DCT: variants seen among roughly 807,000 people sequenced by gnomAD.
DCT encodes dopachrome tautomerase.
In DCT, 47 loss-of-function variants were observed where a neutral mutation model predicts 53.0. The observed-to-expected ratio is 0.89, with a 90% CI of 0.70 to 1.13. The LOEUF (loss-of-function observed/expected upper bound fraction) is 1.13. DCT is among the 50% of genes most tolerant of loss of function. The probability of loss-of-function intolerance (pLI) is 0.00; values close to 1 mark genes in which losing one functional copy is unlikely to be tolerated. For missense variants in DCT, 669 were observed against 637.4 expected, an observed-to-expected ratio of 1.05 and a Z score of -0.53; for synonymous variants, 244 against 237.0, an observed-to-expected ratio of 1.03 and a Z score of -0.27.
chr13:94,439,301 C>T lies in DCT; in HGVS notation c.*597G>A, dbSNP rs1882104214. Reference sequence around the variant, plus strand: ...TTTCCATCCTGTAAAGAAAACAAGGCTTATTCTCATCTTCTAAGCTGGAGA... The same window carrying T: ...TTTCCATCCTGTAAAGAAAACAAGGTTTATTCTCATCTTCTAAGCTGGAGA... On this transcript the variant is annotated 3_prime_UTR_variant, in exon 8 of 8. Transcript: ENST00000377028. The T allele has an allele frequency of 6.6e-6, 1 of 152,156 alleles. No individual in the cohort carries two copies. The highest frequency in any genetic ancestry group is 1.5e-5 in the Non-Finnish European group (1 of 68,082). The allele number at this position is 152,156 out of a possible 1,614,324, so 9.4% of individuals were successfully genotyped here.
intron 7 of DCT, among the ~76,000 whole-genome samples, chr13:94,441,742 A>G (rs1882331138): frequency 6.6e-6 from 1 of 152,176 alleles, no homozygotes; most frequent in South Asian, 2.1e-4. Context: ...TTATTCATTC[A>G]TCCACTAACA....
chr13:94,539,092 T>C, the DCT span, among the ~76,000 whole-genome samples: 4 of 152,216 alleles, frequency 2.6e-5, no homozygotes, highest in Admixed American at 6.5e-5. Flanking sequence ...ACAAAATTCT[T>C]AGTCCCCTGC....
chr13:94,544,934 G>A, the DCT span, among the ~76,000 whole-genome samples: 4 of 151,882 alleles, frequency 2.6e-5, no homozygotes, highest in East Asian at 3.9e-4. Flanking sequence ...ATAGCAGCTC[G>A]GTCTCAAAAA....
chr13:94,444,383 C>T (rs112906983), intron 6 of DCT: 7,256 of 517,402 alleles, frequency 0.014, 452 homozygotes, highest in African/African-American at 0.13. Flanking sequence ...CTTCTGTCTA[C>T]TCATTTCATA....
the DCT span, among the ~76,000 whole-genome samples, chr13:94,516,624 T>A: frequency 2.6e-5 from 4 of 152,178 alleles, no homozygotes; most frequent in Non-Finnish European, 4.4e-5. Flanking sequence ...TCTGCCTTCA[T>A]GAATGGATTA....
intron 7 of DCT, among the ~76,000 whole-genome samples, chr13:94,442,552 T>C (rs770527926): frequency 1.3e-5 from 2 of 152,222 alleles, no homozygotes; most frequent in East Asian, 1.9e-4. Flanking sequence ...TGTGGAGCCA[T>C]ATTGGGGCCT....
intron 6 of DCT, 44 bp downstream of exon 6, chr13:94,460,045 CAT>C (rs1468083287): frequency 7.6e-6 from 12 of 1,578,034 alleles, no homozygotes; most frequent in Non-Finnish European, 1.0e-5. Context: ...ATAAATCTGA[CAT>C]ATTATCTAGA....
At chr13:94,468,339 G>A (rs1391078525) in intron 2 of DCT, 1 of 182,376 alleles carries the variant, frequency 5.5e-6, no homozygotes, top group Non-Finnish European at 1.2e-5. Context: ...GAAGCTTCAT[G>A]TGCCTTAGCA....
At chr13:94,487,858 T>C in the DCT span, among the ~76,000 whole-genome samples, 1 of 152,100 alleles carries the variant, frequency 6.6e-6, no homozygotes, top group Non-Finnish European at 1.5e-5. Context: ...AGAGTTTTGC[T>C]TTCTACATCT....
chr13:94,546,600 A>C, the DCT span, among the ~76,000 whole-genome samples: 4 of 152,110 alleles, frequency 2.6e-5, no homozygotes, highest in Non-Finnish European at 2.9e-5. The surrounding 1 kb of genome is among the most constrained non-coding windows in gnomAD (Gnocchi z 4.2). Context: ...TGAGCACAGC[A>C]GGAGAGCCCC....
the DCT span, among the ~76,000 whole-genome samples, chr13:94,490,157 C>A: frequency 6.6e-6 from 1 of 152,220 alleles, no homozygotes; most frequent in African/African-American, 2.4e-5. Flanking sequence ...AATTTCTTGA[C>A]CTGAATCTGG....
At chr13:94,492,894 A>AC in the DCT span, among the ~76,000 whole-genome samples, 13 of 152,188 alleles carry the variant, frequency 8.5e-5, no homozygotes, top group African/African-American at 2.2e-4. Context: ...GTCTATATTG[A>AC]CCCCTGATCG....
rs1313840831 is a variant in DCT at position 94,476,165 on chromosome 13, G to T, written c.295+2796C>A. On this transcript the variant is annotated intron_variant, in intron 1 of 7. Coordinates refer to ENST00000377028, the MANE Select transcript of DCT (RefSeq NM_001922.5). ...TTATTTCTGGCCCAAGGGCTTTTTA[G>T]AGCAGGGGGAGCCTCTTTTTTTTTT... Among the ~76,000 whole-genome samples, 3 of 139,652 alleles carry T rather than the reference G, an allele frequency of 2.1e-5. No individual in the cohort carries two copies. The South Asian group carries it at 7.2e-4, about 34-fold the overall frequency. The allele number at this position is 139,652 out of a possible 152,430, so 91.6% of individuals were successfully genotyped here.
chr13:94,441,104 T>A (rs1011892313), intron 7 of DCT, among the ~76,000 whole-genome samples: 1 of 152,216 alleles, frequency 6.6e-6, no homozygotes, highest in Non-Finnish European at 1.5e-5. Flanking sequence ...TCACCTAATA[T>A]AAGATTCTCT....
the DCT span, among the ~76,000 whole-genome samples, chr13:94,536,560 G>T: frequency 6.6e-6 from 1 of 152,090 alleles, no homozygotes; most frequent in Non-Finnish European, 1.5e-5. Flanking sequence ...CATGAGAGCT[G>T]GTTGTTAAAA....
the DCT span, among the ~76,000 whole-genome samples, chr13:94,525,317 G>A: frequency 4.6e-5 from 7 of 152,112 alleles, no homozygotes; most frequent in Admixed American, 3.9e-4. Context: ...GGTCAGGCTG[G>A]TTTCGAACTC....
At chr13:94,479,979 A>C (rs1885370115), upstream of DCT, among the ~76,000 whole-genome samples, 1 of 152,206 alleles carries the variant, frequency 6.6e-6, no homozygotes, top group African/African-American at 2.4e-5. Context: ...TTTACACAGA[A>C]GCTCACATTG....
At chr13:94,520,483 G>A in the DCT span, among the ~76,000 whole-genome samples, 1 of 152,184 alleles carries the variant, frequency 6.6e-6, no homozygotes, top group African/African-American at 2.4e-5. Context: ...ACCCTGCGTC[G>A]AAGGGGAAAG....
intron 2 of DCT, chr13:94,468,039 C>A (rs1223470740): frequency 6.6e-6 from 1 of 152,246 alleles, no homozygotes; most frequent in Non-Finnish European, 1.5e-5. Flanking sequence ...ACCCAGCCCC[C>A]AATTTTTAAG....
Sources: gnomAD v4.1 joint callset for allele counts (sites outside exome capture counted in the v4.1 genomes callset) on GRCh38, gnomAD v4.1.1 for gene constraint, Gnocchi (gnomAD v3.1) non-coding constraint, MANE v1.5 for transcripts, NCBI Gene and HGNC (gene_info 2026-07-23, HGNC 2026-07-21) for gene names.